PTPRM: variants seen among roughly 807,000 people sequenced by gnomAD.
PTPRM encodes the protein receptor-type tyrosine-protein phosphatase mu.
A neutral mutation model predicts 186.7 loss-of-function variants in PTPRM; 47 were observed. That is an observed-to-expected ratio of 0.25 (90% CI 0.20 to 0.32). PTPRM has a LOEUF of 0.32. PTPRM is among the 10% of genes least tolerant of loss of function. PTPRM has a pLI of 1.00. For missense variants in PTPRM, 1,494 were observed against 1,865.0 expected, an observed-to-expected ratio of 0.80 and a Z score of 3.66; for synonymous variants, 668 against 674.9, an observed-to-expected ratio of 0.99 and a Z score of 0.16.
chr18:7,851,113 T>G (rs996859669), intron 2 of PTPRM, among the ~76,000 whole-genome samples: 4 of 152,146 alleles, frequency 2.6e-5, no homozygotes, highest in African/African-American at 9.7e-5. Flanking sequence ...TTTACACAGC[T>G]GAGAGCTAAT....
At chr18:8,306,199 G>A (rs141605721) in intron 20 of PTPRM, among the ~76,000 whole-genome samples, 8 of 151,892 alleles carry the variant, frequency 5.3e-5, no homozygotes, top group South Asian at 2.1e-4. Flanking sequence ...GCCTGGCAGC[G>A]TAATTTTTTT....
At chr18:7,866,139 C>T (rs2047678436) in intron 2 of PTPRM, among the ~76,000 whole-genome samples, 1 of 152,050 alleles carries the variant, frequency 6.6e-6, no homozygotes, top group Admixed American at 6.5e-5. Context: ...AAACCACCTC[C>T]TGGATTCATT....
In PTPRM at chr18:8,394,606, C is replaced by G. The variant is rs978071085; in HGVS notation, c.4339C>G (p.Leu1447Val). 4 of 1,609,744 alleles carry G rather than the reference C, an allele frequency of 2.5e-6. No homozygotes were observed. Among genetic ancestry groups the G allele is most frequent in the Non-Finnish European group, 3.4e-6 (4 of 1,177,858 alleles). The part of the protein sequence containing the change: ...LRNNKPNMVD[L>V]LDQYKFCYEV... ...GAACAACAAGCCCAACATGGTCGAC[C>G]TCCTGGTAGGACACCCCCTCTGAGC... The change falls in exon 32 of 33, where the codon CTC becomes GTC. Residue 1447 changes from leucine (L) to valine (V), a missense_variant. By Grantham distance (32) the Leu-to-Val change is conservative. This residue lies in a region of PTPRM where 1,107 missense variants were observed against 1,350.2 expected (regional missense o/e 0.82). Coordinates refer to ENST00000580170, the MANE Select transcript of PTPRM (RefSeq NM_001105244.2).
At chr18:7,597,519 A>G (rs2037296805) in intron 1 of PTPRM, among the ~76,000 whole-genome samples, 2 of 152,224 alleles carry the variant, frequency 1.3e-5, no homozygotes, top group Admixed American at 1.3e-4. Context: ...AGGTGTGAGC[A>G]GGATGAAATT....
intron 4 of PTPRM, among the ~76,000 whole-genome samples, chr18:7,908,780 C>A (rs879369925): frequency 6.6e-6 from 1 of 152,196 alleles, no homozygotes; most frequent in Non-Finnish European, 1.5e-5. Flanking sequence ...CTAATTGAAA[C>A]AGCAGGGTAA....
chr18:8,387,769 C>CGTGCGCGT (rs10630451), intron 31 of PTPRM, among the ~76,000 whole-genome samples: 7 of 151,698 alleles, frequency 4.6e-5, no homozygotes, highest in South Asian at 2.1e-4. Flanking sequence ...TGTGTGTGCG[C>CGTGCGCGT]GCGCGTGCAT....
At chr18:8,335,371 A>G (rs2095433344) in intron 22 of PTPRM, among the ~76,000 whole-genome samples, 1 of 152,178 alleles carries the variant, frequency 6.6e-6, no homozygotes, top group Non-Finnish European at 1.5e-5. Context: ...TGACTGCCAC[A>G]GGCATCCTCA....
chr18:7,846,071 C>T (rs72893368), intron 2 of PTPRM, among the ~76,000 whole-genome samples: 10,561 of 152,172 alleles, frequency 0.069, 511 homozygotes, highest in South Asian at 0.2. Flanking sequence ...CGGATTACCT[C>T]GGGCAAAAAC....
intron 14 of PTPRM, among the ~76,000 whole-genome samples, chr18:8,170,540 T>C (rs537731990): frequency 6.6e-5 from 10 of 151,968 alleles, no homozygotes; most frequent in African/African-American, 1.9e-4. Context: ...TAGGTAGTCT[T>C]GGGCCTATAG....
chr18:7,991,409 A>G (rs1044745769), intron 7 of PTPRM, among the ~76,000 whole-genome samples: 1 of 152,124 alleles, frequency 6.6e-6, no homozygotes, highest in African/African-American at 2.4e-5. Context: ...GAGAGAAGGA[A>G]AGCTAAAAGA....
At chr18:8,244,592 A>G (rs1165650897) in intron 15 of PTPRM, among the ~76,000 whole-genome samples, 1 of 152,230 alleles carries the variant, frequency 6.6e-6, no homozygotes, top group East Asian at 1.9e-4. Context: ...AGTTCACTAA[A>G]TGGCAGTAAC....
intron 22 of PTPRM, among the ~76,000 whole-genome samples, chr18:8,325,631 A>T (rs888171128): frequency 3.3e-5 from 5 of 152,260 alleles, no homozygotes; most frequent in Non-Finnish European, 1.5e-5. Context: ...GAACACATGT[A>T]TGTATGTATC....
At chr18:7,995,931 G>C (rs1476403860) in intron 7 of PTPRM, 1 of 152,128 alleles carries the variant, frequency 6.6e-6, no homozygotes, top group Non-Finnish European at 1.5e-5. Flanking sequence ...GGATCCTTGT[G>C]GGGTGGGCTG....
chr18:7,911,541 A>G (rs1054290558), intron 4 of PTPRM, among the ~76,000 whole-genome samples: 1 of 152,174 alleles, frequency 6.6e-6, no homozygotes, highest in African/African-American at 2.4e-5. Flanking sequence ...ATGTCTATTC[A>G]GATCCTTTCC....
At chr18:8,335,205 T>C (rs2095517470) in intron 22 of PTPRM, among the ~76,000 whole-genome samples, 2 of 152,196 alleles carry the variant, frequency 1.3e-5, no homozygotes, top group South Asian at 4.1e-4. Flanking sequence ...TGGCAACAAG[T>C]GGCTCCTGCT....
chr18:8,332,791 A>G (rs2095419011), intron 22 of PTPRM, among the ~76,000 whole-genome samples: 1 of 152,220 alleles, frequency 6.6e-6, no homozygotes, highest in South Asian at 2.1e-4. Flanking sequence ...GTGTGGCATC[A>G]CTGTAATTTA....
intron 1 of PTPRM, among the ~76,000 whole-genome samples, chr18:7,768,653 T>A (rs866323762): frequency 0.034 from 5,101 of 149,738 alleles, 103 homozygotes; most frequent in African/African-American, 0.047. Flanking sequence ...TATATATTTT[T>A]TTTTTTTTTT....
At chr18:8,023,831 G>GACACACACACACACACACACACACAC (rs71354587) in intron 7 of PTPRM, among the ~76,000 whole-genome samples, 33 of 110,276 alleles carry the variant, frequency 3.0e-4, no homozygotes, top group African/African-American at 8.6e-4. Flanking sequence ...ATTATCAGAA[G>GACACACACACACACACACACACACAC]ACACACACAC....
At chr18:7,684,144 A>T (rs1356406477) in intron 1 of PTPRM, among the ~76,000 whole-genome samples, 2 of 151,800 alleles carry the variant, frequency 1.3e-5, no homozygotes, top group East Asian at 3.9e-4. Flanking sequence ...CTGTTTTTTC[A>T]GTTATGGTAG....
Sources: allele counts gnomAD v4.1 joint callset (sites outside exome capture counted in the v4.1 genomes callset), GRCh38; gene constraint gnomAD v4.1.1; regional missense constraint gnomAD v4.1.1; transcripts MANE v1.5; gene names NCBI Gene and HGNC (gene_info 2026-07-23, HGNC 2026-07-21).